MUS81: variants seen among roughly 807,000 people sequenced by gnomAD.
MUS81 encodes structure-specific endonuclease subunit MUS81.
Under a neutral mutation model 74.2 loss-of-function variants are expected in MUS81, and 69 were observed. That is an observed-to-expected ratio of 0.93 (90% CI 0.77 to 1.14). The LOEUF is 1.14. Ranked by LOEUF, MUS81 falls within the 50% of genes most tolerant of loss-of-function variation. MUS81 has a pLI of 0.00. For missense variants in MUS81, 711 were observed against 726.5 expected, an observed-to-expected ratio of 0.98 and a Z score of 0.25; for synonymous variants, 303 against 300.6, an observed-to-expected ratio of 1.01 and a Z score of -0.08.
chr11:65,862,989 C>T, intron 6 of MUS81, 76 bp from the exon 7 acceptor site: 2 of 1,603,338 alleles, frequency 1.2e-6, no homozygotes, highest in Non-Finnish European at 1.7e-6. Flanking sequence ...GAGGCCAGCC[C>T]AGCTGGGGGC....
At chr11:65,866,867 A>G (rs773616908), downstream of MUS81, 1 of 1,608,704 alleles carries the variant, frequency 6.2e-7, no homozygotes, top group South Asian at 1.1e-5. Context: ...GCCCCTCACA[A>G]CAGGCTCCTC....
chr11:65,860,571 C>T lies in MUS81; in HGVS notation c.-183C>T. ...TTAGAGCAGCGCAGGGGTGGGAGGG[C>T]GGCCGCAGGCTCTCCTCTCGTTAGT... On this transcript the variant is annotated 5_prime_UTR_variant, in exon 1 of 16. Transcript: ENST00000308110. 5.4e-6 allele frequency: 4 copies of T among 744,698 alleles called. No individual in the cohort carries two copies. Among genetic ancestry groups the T allele is most frequent in the Non-Finnish European group, 8.8e-6 (4 of 456,010 alleles). 46.1% of individuals were successfully genotyped at this position (744,698 alleles called of 1,614,324 possible).
upstream of MUS81, chr11:65,860,186 T>A (rs1430350645): frequency 2.3e-6 from 1 of 443,966 alleles, no homozygotes; most frequent in East Asian, 7.1e-5. Context: ...TTTCTGGGTG[T>A]CCCTCCCACC....
At chr11:65,864,245 G>A (rs1411620053) in intron 10 of MUS81, 1 of 589,298 alleles carries the variant, frequency 1.7e-6, no homozygotes, top group Non-Finnish European at 3.0e-6. Flanking sequence ...AGTCACAGAG[G>A]CCATGTGCCG....
In MUS81 at chr11:65,860,535, T is replaced by C. The variant is rs751412242; in HGVS notation, c.-219T>C. 1.6e-5 allele frequency: 10 copies of C among 623,864 alleles called. No homozygotes were observed. The highest frequency in any genetic ancestry group is 4.3e-4 in the Middle Eastern group (1 of 2,350). 38.6% of individuals were successfully genotyped at this position (623,864 alleles called of 1,614,324 possible). A position where few individuals can be genotyped will look rare whatever the true frequency, so the allele number is the denominator to read the frequency against. On this transcript the variant is annotated 5_prime_UTR_variant, in exon 1 of 16. Transcript: ENST00000308110. Reference sequence around the variant, plus strand: ...AAAAGATCGTTAGAGACAGCGCCCCTGACCAACCACTTAGAGCAGCGCAGG... The same window carrying C: ...AAAAGATCGTTAGAGACAGCGCCCCCGACCAACCACTTAGAGCAGCGCAGG...
Position 65,863,881 on chromosome 11 carries a change from G to C in MUS81, c.1039G>C (p.Gly347Arg). 2 of 1,614,114 alleles carry C rather than the reference G, an allele frequency of 1.2e-6. No individual in the cohort carries two copies. Among genetic ancestry groups the C allele is most frequent in the Non-Finnish European group, 1.7e-6 (2 of 1,180,000 alleles). ...LDDLCSSIID[G>R]RFREQKFRLK... The stretch of plus-strand genomic sequence containing the variant: ...TGACCTTTGCAGCAGCATCATCGAC[G>C]GCCGCTTCCGGGAGCAGAAGGTAAT... The change falls in exon 10 of 16, where the codon GGC becomes CGC. Residue 347 changes from glycine to arginine, a missense_variant. Physicochemically the swap from Gly to Arg is moderately radical, Grantham distance 125. Transcript: ENST00000308110.
Position 65,862,219 on chromosome 11 carries a change from T to C in MUS81, c.459T>C (p.Asn153=), listed in dbSNP as rs766145946. ...LVLYREHLNP[N]GHHFLTKEEL... is the part of the protein sequence containing the mutation. ...TTCTACCTTGGTTTCAGAATCCTAA[T>C]GGTCACCACTTCTTAACCAAGGAGG... The change falls in exon 5 of 16, where the codon AAT becomes AAC. Residue 153 remains asparagine, a synonymous_variant. Coordinates refer to ENST00000308110, the MANE Select transcript of MUS81 (RefSeq NM_025128.5). The C allele has an allele frequency of 6.2e-7, 1 of 1,613,636 alleles. No individual in the cohort carries two copies. Among genetic ancestry groups the C allele is most frequent in the South Asian group, 1.1e-5 (1 of 91,044 alleles).
Position 65,860,766 on chromosome 11 carries a change from G to A in MUS81, c.13G>A (p.Val5Ile). 3 of 1,534,864 alleles carry A rather than the reference G, an allele frequency of 2.0e-6. No homozygotes were observed. The highest frequency in any genetic ancestry group is 2.6e-6 in the Non-Finnish European group (3 of 1,145,706). Residue 5 changes from valine to isoleucine, a missense_variant, in exon 1 of 16, where the codon GTC (valine) becomes ATC (isoleucine). By Grantham distance (29) the Val-to-Ile change is conservative. Transcript: ENST00000308110. MAAP[V>I]RLGRKRPLPA... is the part of the protein sequence containing the mutation. The stretch of plus-strand genomic sequence containing the variant: ...CGCCCTCGGGCTCATGGCGGCCCCG[G>A]TCCGCCTGGGCCGGAAGCGCCCGCT...
chr11:65,863,560 T>A, intron 8 of MUS81, 40 bp from the exon 9 acceptor site: 1 of 1,613,916 alleles, frequency 6.2e-7, no homozygotes. Flanking sequence ...GGGTAGGCAC[T>A]GCCCTGCTCT....
At position 65,863,483 on chromosome 11, in the gene MUS81, G is replaced by T. The variant is rs769329736; in HGVS notation, c.820G>T (p.Asp274Tyr). ...PGEYRVLLCV[D>Y]IGETRGGGHR... The stretch of plus-strand genomic sequence containing the variant: ...AGAGTACAGGGTGCTGTTGTGTGTG[G>T]ACATTGGCGAGACCCGGGGGTGAGT... Residue 274 changes from aspartate to tyrosine, a missense_variant, in exon 8 of 16, where the codon GAC becomes TAC. Transcript: ENST00000308110. 2 of 1,614,078 alleles carry T rather than the reference G, an allele frequency of 1.2e-6. No homozygotes were observed. The highest frequency in any genetic ancestry group is 2.7e-5 in the African/African-American group (2 of 74,930).
chr11:65,861,900 A>G (rs766333528), intron 3 of MUS81, 47 bp from the exon 4 acceptor site: 1 of 1,487,628 alleles, frequency 6.7e-7, no homozygotes, highest in Non-Finnish European at 9.2e-7. Flanking sequence ...ACTTATTCAA[A>G]GATGACTGGC....
At position 65,866,099 on chromosome 11, in the gene MUS81, A is replaced by G; in HGVS notation, c.*47A>G. 1.3e-6 allele frequency: 2 copies of G among 1,558,114 alleles called. No individual in the cohort carries two copies. The highest frequency in any genetic ancestry group is 1.7e-6 in the Non-Finnish European group (2 of 1,144,364). On this transcript the variant is annotated 3_prime_UTR_variant, in exon 16 of 16. Transcript: ENST00000308110. ...CCAGCCCCCGTCTGTCCCCCAACCC[A>G]GGCTAGCCAGCCTTTTAACAACATC...
rs758548302 is a variant in MUS81, at chr11:65,865,904, A to C, written c.1589+10A>C. 72 of 1,614,034 alleles carry C rather than the reference A, an allele frequency of 4.5e-5. 1 individual carries two copies. In the Admixed American group the frequency reaches 1.2e-3, roughly 27 times the overall value. ...GTGGGCGTCTACAGAGGTGAGGGCA[A>C]GAGACGGAACCTGGAGGGAGTGGCA... On this transcript the variant is annotated intron_variant, in intron 15 of 15. Transcript: ENST00000308110.
chr11:65,860,167 C>T (rs1333756848), upstream of MUS81: 5 of 439,268 alleles, frequency 1.1e-5, no homozygotes, highest in East Asian at 1.4e-4. Flanking sequence ...TCCTCATCCC[C>T]GGCACCCATT....
rs767451198 is a variant in MUS81, at chr11:65,863,399, C to T, written c.747-11C>T. ...GGGTTCTGGCCTCACATACCAACAC[C>T]CCCCACTTAGTGCCAGTGAAGCAGG... is the stretch of plus-strand genomic sequence containing the variant. On this transcript the variant is annotated splice_polypyrimidine_tract_variant and intron_variant, in intron 7 of 15. Coordinates refer to ENST00000308110, the MANE Select transcript of MUS81 (RefSeq NM_025128.5). 3 of 1,613,960 alleles carry T rather than the reference C, an allele frequency of 1.9e-6. No homozygotes were observed. Among genetic ancestry groups the T allele is most frequent in the South Asian group, 2.2e-5 (2 of 91,060 alleles).
intron 6 of MUS81, 51 bp downstream of exon 6, chr11:65,862,580 G>C: frequency 6.5e-7 from 1 of 1,538,804 alleles, no homozygotes; most frequent in Non-Finnish European, 9.0e-7. Context: ...CTTCTTAGTA[G>C]GGCCTTAGAG....
chr11:65,864,503 C>G lies in MUS81; in HGVS notation c.1066C>G (p.Leu356Val), dbSNP rs768327540. 117 of 1,613,930 alleles carry G rather than the reference C, an allele frequency of 7.2e-5. No homozygotes were observed. The highest frequency in any genetic ancestry group is 9.5e-5 in the Non-Finnish European group (112 of 1,179,922). The change falls in exon 11 of 16, where the codon CTG becomes GTG. Residue 356 changes from leucine to valine, a missense_variant. Transcript: ENST00000308110. ...DGRFREQKFR[L>V]KRCGLERRVY... ...ACTCTGTACACTTCCCTAGTTCCGG[C>G]TGAAGCGCTGTGGTCTGGAGCGCCG...
At position 65,861,964 on chromosome 11, in the gene MUS81, AGCGGGAG is replaced by A; in HGVS notation, c.372_378del (p.Gly125LeufsTer14). The stretch of plus-strand genomic sequence containing the variant: ...CCTTTCAGGTTCCTGCCCAGCCCAA[AGCGGGAG>A]GCTCTGGCAGCTACTGGCCAGCTCG... On this transcript the variant is annotated frameshift_variant, in exon 4 of 16. Transcript: ENST00000308110. LOFTEE classifies it high-confidence loss of function. The A allele has an allele frequency of 6.2e-7, 1 of 1,610,948 alleles. No individual in the cohort carries two copies. Among genetic ancestry groups the A allele is most frequent in the Non-Finnish European group, 8.5e-7 (1 of 1,178,914 alleles).
Position 65,863,398 on chromosome 11 carries a change from C to T in MUS81, c.747-12C>T, listed in dbSNP as rs372841589. On this transcript the variant is annotated splice_polypyrimidine_tract_variant and intron_variant, in intron 7 of 15. Coordinates refer to ENST00000308110, the MANE Select transcript of MUS81 (RefSeq NM_025128.5). Reference sequence around the variant, plus strand: ...GGGGTTCTGGCCTCACATACCAACACCCCCCACTTAGTGCCAGTGAAGCAG... The same window carrying T: ...GGGGTTCTGGCCTCACATACCAACATCCCCCACTTAGTGCCAGTGAAGCAG... 128 of 1,613,866 alleles carry T rather than the reference C, an allele frequency of 7.9e-5. No individual in the cohort carries two copies. Among genetic ancestry groups the T allele is most frequent in the African/African-American group, 7.5e-4 (56 of 75,028 alleles).
Sources: allele counts gnomAD v4.1 joint callset, GRCh38; gene constraint gnomAD v4.1.1; transcripts MANE v1.5; gene names NCBI Gene and HGNC (gene_info 2026-07-23, HGNC 2026-07-21).